The following HSD17B3 variants were observed in gnomAD, a reference collection of about 807,000 sequenced individuals.
HSD17B3 encodes 17-beta-hydroxysteroid dehydrogenase type 3.
HSD17B3 carries 29 observed loss-of-function variants against 41.1 expected under a neutral mutation model. The ratio of observed to expected loss-of-function variants is 0.71; its 90% CI spans 0.53 to 0.96. HSD17B3 has a LOEUF of 0.96. Among genes scored for constraint, HSD17B3 ranks in the 40% least tolerant of loss-of-function variants. HSD17B3 has a pLI of 0.00. For synonymous variants in HSD17B3, 126 were observed against 145.6 expected (o/e 0.87, Z 0.97); for missense variants, 323 against 374.6 (o/e 0.86, Z 1.14).
chr9:96,300,607 T>TTG (rs10545828), intron 1 of HSD17B3, among the ~76,000 whole-genome samples: 3,921 of 109,818 alleles, frequency 0.036, 469 homozygotes, highest in South Asian at 0.11. Context: ...ATTGGATTCT[T>TTG]TGTGTGTGTG....
intron 7 of HSD17B3, 85 bp downstream of exon 7, chr9:96,246,471 G>A (rs565199635): frequency 3.5e-6 from 4 of 1,151,692 alleles, no homozygotes. Flanking sequence ...CAGCCAGATG[G>A]ACTCTGTGTC....
At chr9:96,260,476 C>G (rs1825817209) in intron 2 of HSD17B3, among the ~76,000 whole-genome samples, 1 of 152,152 alleles carries the variant, frequency 6.6e-6, no homozygotes, top group Non-Finnish European at 1.5e-5. Context: ...TTGGGCCAAC[C>G]TAACTTTGGG....
Position 96,300,607 on chromosome 9 carries a change from T to TTGTGTGTG in HSD17B3, c.154+1336_154+1343dup, listed in dbSNP as rs10545828. On this transcript the variant is annotated intron_variant, in intron 1 of 10. Transcript: ENST00000375263. ...TTAATCATTTTTGTCATTGGATTCT[T>TTGTGTGTG]TGTGTGTGTGTGTGTGTGTGTGTGT... 1.2e-3 allele frequency among the ~76,000 whole-genome samples: 134 copies of TTGTGTGTG among 109,886 alleles called. 8 individuals are homozygous for TTGTGTGTG. The highest frequency in any genetic ancestry group is 3.6e-3 in the African/African-American group (119 of 33,478). 72.1% of individuals were successfully genotyped at this position (109,886 alleles called of 152,430 possible).
intron 5 of HSD17B3, 109 bp from the exon 6 acceptor site, chr9:96,249,895 G>A (rs371180191): frequency 2.3e-5 from 37 of 1,595,780 alleles, no homozygotes; most frequent in South Asian, 4.5e-5. Flanking sequence ...ATGTCTGAAC[G>A]GTTTCATCAC....
At chr9:96,299,334 T>TAA (rs1345496991) in intron 1 of HSD17B3, among the ~76,000 whole-genome samples, 1 of 152,172 alleles carries the variant, frequency 6.6e-6, no homozygotes, top group Non-Finnish European at 1.5e-5. Flanking sequence ...CTGGCTTTAA[T>TAA]AATTACTAAT....
intron 5 of HSD17B3, 139 bp downstream of exon 5, chr9:96,251,278 AG>A (rs2130727258): frequency 1.5e-6 from 1 of 688,772 alleles, no homozygotes; most frequent in African/African-American, 1.8e-5. Flanking sequence ...TGAAGAGGAA[AG>A]GGGGCCTCAA....
At chr9:96,296,927 C>T (rs370302279) in intron 2 of HSD17B3, among the ~76,000 whole-genome samples, 80 of 151,418 alleles carry the variant, frequency 5.3e-4, no homozygotes, top group African/African-American at 1.7e-3. Flanking sequence ...CACATTGCTT[C>T]GGGAGGCTGA....
chr9:96,290,970 G>A (rs1587787344), intron 2 of HSD17B3, among the ~76,000 whole-genome samples: 1 of 152,120 alleles, frequency 6.6e-6, no homozygotes, highest in Non-Finnish European at 1.5e-5. Context: ...AACACCTTGG[G>A]AAAAACTATG....
chr9:96,285,518 C>G (rs918352274), intron 2 of HSD17B3, among the ~76,000 whole-genome samples: 2 of 152,198 alleles, frequency 1.3e-5, no homozygotes, highest in African/African-American at 4.8e-5. Flanking sequence ...CCAACAGTTT[C>G]TCACTTCATG....
chr9:96,259,355 T>C (rs1285456538), intron 2 of HSD17B3, among the ~76,000 whole-genome samples: 1 of 152,208 alleles, frequency 6.6e-6, no homozygotes, highest in Non-Finnish European at 1.5e-5. Context: ...GTAGGTTCAA[T>C]TCCTGTCTCT....
intron 2 of HSD17B3, among the ~76,000 whole-genome samples, chr9:96,265,979 TG>T (rs1186184126): frequency 6.6e-6 from 1 of 152,192 alleles, no homozygotes; most frequent in Non-Finnish European, 1.5e-5. Flanking sequence ...CTTTGAAAGT[TG>T]GCTCTTTGAA....
chr9:96,255,611 A>G (rs1370558906), intron 2 of HSD17B3, among the ~76,000 whole-genome samples: 1 of 151,908 alleles, frequency 6.6e-6, no homozygotes, highest in Non-Finnish European at 1.5e-5. Flanking sequence ...GCTGGTCTCC[A>G]ACTCCTGACC....
At chr9:96,284,530 T>C (rs1393224216) in intron 2 of HSD17B3, among the ~76,000 whole-genome samples, 2 of 152,232 alleles carry the variant, frequency 1.3e-5, no homozygotes, top group Non-Finnish European at 2.9e-5. Flanking sequence ...CTGGTTATTT[T>C]ACCAAGGCTT....
chr9:96,293,459 T>G (rs1270577876), intron 2 of HSD17B3, among the ~76,000 whole-genome samples: 1 of 152,122 alleles, frequency 6.6e-6, no homozygotes, highest in East Asian at 1.9e-4. Flanking sequence ...ACTGCAGATT[T>G]GGGACACACC....
chr9:96,277,676 A>G (rs1278145085), intron 2 of HSD17B3, among the ~76,000 whole-genome samples: 1 of 151,946 alleles, frequency 6.6e-6, no homozygotes, highest in Non-Finnish European at 1.5e-5. Flanking sequence ...TCAAATAATA[A>G]CTACTTTATG....
At chr9:96,246,402 GT>G (rs1008919315) in intron 7 of HSD17B3, 153 bp downstream of exon 7, 25 of 746,420 alleles carry the variant, frequency 3.3e-5, no homozygotes, top group African/African-American at 5.2e-5. Context: ...AGAACGTTAT[GT>G]TTTTTTTCCC....
At chr9:96,251,256 C>T (rs958927480) in intron 5 of HSD17B3, 162 bp downstream of exon 5, 3 of 629,932 alleles carry the variant, frequency 4.8e-6, no homozygotes, top group Admixed American at 2.7e-5. Context: ...GACTGTGGAT[C>T]GAGTGCTAAG....
chr9:96,244,234 C>T (rs541091092), intron 9 of HSD17B3, 95 bp downstream of exon 9: 2 of 1,245,056 alleles, frequency 1.6e-6, no homozygotes, highest in African/African-American at 3.0e-5. Flanking sequence ...GGCAGTGGCC[C>T]CAGCCACGGG....
chr9:96,242,766 T>C (rs545229133), intron 9 of HSD17B3, among the ~76,000 whole-genome samples: 2 of 152,266 alleles, frequency 1.3e-5, no homozygotes, highest in South Asian at 2.1e-4. Flanking sequence ...TCGGCAGCTG[T>C]GCCCCAAGGA....
Sources: allele counts gnomAD v4.1 joint callset (sites outside exome capture counted in the v4.1 genomes callset), GRCh38; gene constraint gnomAD v4.1.1; transcripts MANE v1.5; gene names NCBI Gene and HGNC (gene_info 2026-07-23, HGNC 2026-07-21).